The following RNF207 variants were observed in gnomAD, a reference collection of about 807,000 sequenced individuals.
RNF207 encodes the protein ring finger protein 207, also known as OTTHUMG00000001089.
In RNF207, 72 loss-of-function variants were observed where a neutral mutation model predicts 79.0. That is an observed-to-expected ratio of 0.91 (90% CI 0.75 to 1.11). The LOEUF (loss-of-function observed/expected upper bound fraction) is 1.11. RNF207 is among the 50% of genes least tolerant of loss of function. The pLI is 0.00. For synonymous variants in RNF207, 348 were observed against 366.2 expected, an observed-to-expected ratio of 0.95 and a Z score of 0.57; for missense variants, 936 against 855.8, an observed-to-expected ratio of 1.09 and a Z score of -1.17.
In RNF207 at chr1:6,212,805, C is replaced by CA. The variant is rs535972462; in HGVS notation, c.1534+73dup. The CA allele has an allele frequency of 7.2e-4, 925 of 1,281,424 alleles. 15 individuals are homozygous for CA. The South Asian group carries it at 0.01, about 14-fold the overall frequency. 79.4% of individuals were successfully genotyped at this position (1,281,424 alleles called of 1,614,324 possible). On this transcript the variant is annotated intron_variant, in intron 15 of 17. Transcript: ENST00000377939. ...CCCACATACTAGCAGAGGAGGAAGT[C>CA]AGAGTCGGCCACTAACCAGATGCAA...
rs576277257 is a variant in RNF207 at position 6,216,133 on chromosome 1, C to G, written c.1653-2156C>G. ...TTCTTGTCTGTGTGTGGTGACCTCT[C>G]AGAACCCCTCAGACTTCGGCTGCAG... On this transcript the variant is annotated intron_variant, in intron 16 of 17. Transcript: ENST00000377939. 4.1e-4 allele frequency among the ~76,000 whole-genome samples: 62 copies of G among 152,264 alleles called. 3 individuals carry two copies. The South Asian group carries it at 0.012, about 31-fold the overall frequency.
Position 6,212,467 on chromosome 1 carries a change from G to C in RNF207, c.1482+51G>C, listed in dbSNP as rs567888402. ...CAGCCCCACCTGTCAGGGGATACCTGGGCTACCCTAAGACAGTAAGCGGGG... is the reference window on the plus strand; with the variant it reads ...CAGCCCCACCTGTCAGGGGATACCTCGGCTACCCTAAGACAGTAAGCGGGG... On this transcript the variant is annotated intron_variant, in intron 14 of 17. Transcript: ENST00000377939. The C allele has an allele frequency of 7.2e-6, 11 of 1,528,522 alleles. No individual in the cohort carries two copies. In the South Asian group the frequency reaches 1.3e-4, roughly 19 times the overall value. The allele number at this position is 1,528,522 out of a possible 1,614,324, so 94.7% of individuals were successfully genotyped here.
intron 14 of RNF207, 123 bp from the exon 15 acceptor site, chr1:6,212,559 C>A: frequency 8.1e-7 from 1 of 1,236,022 alleles, no homozygotes; most frequent in Non-Finnish European, 1.2e-6. Flanking sequence ...GGAGTCTTTG[C>A]TGCTTGGAAC....
chr1:6,210,229 C>G lies in RNF207; in HGVS notation c.807C>G (p.Tyr269Ter). The G allele has an allele frequency of 6.2e-7, 1 of 1,613,550 alleles. No individual in the cohort carries two copies. The highest frequency in any genetic ancestry group is 8.5e-7 in the Non-Finnish European group (1 of 1,179,720). The change falls in exon 9 of 18, where the codon TAC becomes TAG. Residue 269 changes from tyrosine (Y) to a stop codon, truncating the protein, a stop_gained. Coordinates refer to ENST00000377939, the MANE Select transcript of RNF207 (RefSeq NM_207396.3). LOFTEE classifies it high-confidence loss of function. ...ALLLQAVQSQYEEKDKAFKEQ... is the reference protein window; with the variant it reads ...ALLLQAVQSQ ...GGCAGCCCCCCTCCCCCAGCCAATA[C>G]GAAGAGAAGGACAAGGCCTTCAAGG...
At chr1:6,208,720 T>A in intron 3 of RNF207, 161 bp from the exon 4 acceptor site, 1 of 661,060 alleles carries the variant, frequency 1.5e-6, no homozygotes, top group Non-Finnish European at 2.4e-6. Flanking sequence ...GTAAAGTGGG[T>A]ATATCAGAGC....
intron 10 of RNF207, 59 bp from the exon 11 acceptor site, chr1:6,210,810 CT>C (rs1668130921): frequency 6.9e-7 from 1 of 1,459,806 alleles, no homozygotes; most frequent in African/African-American, 1.4e-5. Flanking sequence ...TCCATCTCCC[CT>C]CTTCCTGCCC....
intron 10 of RNF207, 106 bp downstream of exon 10, chr1:6,210,544 C>A: frequency 1.2e-6 from 1 of 852,104 alleles, no homozygotes; most frequent in Non-Finnish European, 1.9e-6. Flanking sequence ...GGAGCCTGGA[C>A]CAGGGATCTC....
Position 6,212,061 on chromosome 1 carries a change from G to T in RNF207, c.1296+8G>T. On this transcript the variant is annotated splice_region_variant and intron_variant, in intron 13 of 17. Transcript: ENST00000377939. ...TATGAGGACTCCTACCGGGTGAGGG[G>T]GCAGGGATCTGCCGGAGGGGGGAGA... is the stretch of plus-strand genomic sequence containing the variant. 6.3e-7 allele frequency: 1 copy of T among 1,589,806 alleles called. No homozygotes were observed.
intron 7 of RNF207, 60 bp from the exon 8 acceptor site, chr1:6,209,864 C>T: frequency 1.3e-6 from 2 of 1,521,502 alleles, no homozygotes; most frequent in South Asian, 1.3e-5. Flanking sequence ...GGGGGGTAGG[C>T]ATGGTGGGAG....
At chr1:6,206,436 G>A (rs902732591) in intron 1 of RNF207, 100 bp from the exon 2 acceptor site, 7 of 838,714 alleles carry the variant, frequency 8.3e-6, no homozygotes, top group Admixed American at 5.7e-5. Flanking sequence ...GTCGGGTCCA[G>A]GCGCGATAGG....
In RNF207 at chr1:6,206,736, C is replaced by T. The variant is rs1361547275; in HGVS notation, c.191+10C>T. The T allele has an allele frequency of 1.3e-6, 2 of 1,597,962 alleles. No individual in the cohort carries two copies. The highest frequency in any genetic ancestry group is 1.1e-5 in the South Asian group (1 of 90,902). ...CCTGCCCGCTGTGCCAGTAAGTGTC[C>T]CAAAGTTCCCCAAAACCCCCCAGAC... On this transcript the variant is annotated intron_variant, in intron 2 of 17. Coordinates refer to ENST00000377939, the MANE Select transcript of RNF207 (RefSeq NM_207396.3).
rs983924537 is a variant in RNF207 at position 6,217,700 on chromosome 1, C to T, written c.1653-589C>T. On this transcript the variant is annotated intron_variant, in intron 16 of 17. Transcript: ENST00000377939. This position sits in a 1 kb window ranked among gnomAD's most constrained non-coding sequence, Gnocchi z 4.2. ...TCCACCCGCTTTGGTCTCTATTGCTCCCCTGAATCCAGATCATCATGGCCA... is the reference window on the plus strand; with the variant it reads ...TCCACCCGCTTTGGTCTCTATTGCTTCCCTGAATCCAGATCATCATGGCCA... 3.3e-5 allele frequency among the ~76,000 whole-genome samples: 5 copies of T among 152,292 alleles called. No individual in the cohort carries two copies. The highest frequency in any genetic ancestry group is 3.4e-3 in the Middle Eastern group (1 of 294).
chr1:6,206,557 C>A lies in RNF207; in HGVS notation c.22C>A (p.Pro8Thr). The change falls in exon 2 of 18, where the codon CCC (proline) becomes ACC (threonine). Residue 8 changes from proline to threonine, a missense_variant. Pro to Thr is a conservative substitution (Grantham distance 38). Coordinates refer to ENST00000377939, the MANE Select transcript of RNF207 (RefSeq NM_207396.3). The part of the protein sequence containing the change: MSGAIFG[P>T]LEGPSSLDAP... Reference sequence around the variant, plus strand: ...GCAGATGTCGGGAGCTATCTTCGGGCCCCTGGAGGGCCCGAGCTCCCTGGA... The same window carrying A: ...GCAGATGTCGGGAGCTATCTTCGGGACCCTGGAGGGCCCGAGCTCCCTGGA... 6.3e-7 allele frequency: 1 copy of A among 1,591,016 alleles called. No individual in the cohort carries two copies. Among genetic ancestry groups the A allele is most frequent in the Admixed American group, 1.7e-5 (1 of 58,438 alleles).
In RNF207 at chr1:6,212,058, G is replaced by T; in HGVS notation, c.1296+5G>T. 1 of 1,592,110 alleles carries T rather than the reference G, an allele frequency of 6.3e-7. No individual in the cohort carries two copies. ...CACTATGAGGACTCCTACCGGGTGA[G>T]GGGGCAGGGATCTGCCGGAGGGGGG... is the stretch of plus-strand genomic sequence containing the variant. On this transcript the variant is annotated splice_donor_5th_base_variant and intron_variant, in intron 13 of 17. Coordinates refer to ENST00000377939, the MANE Select transcript of RNF207 (RefSeq NM_207396.3).
Position 6,219,495 on chromosome 1 carries a change from T to G in RNF207, c.*88T>G. The G allele has an allele frequency of 1.0e-6, 1 of 984,516 alleles. No homozygotes were observed. Among genetic ancestry groups the G allele is most frequent in the Non-Finnish European group, 1.4e-6 (1 of 691,872 alleles). The allele number at this position is 984,516 out of a possible 1,614,324, so 61.0% of individuals were successfully genotyped here. On this transcript the variant is annotated 3_prime_UTR_variant, in exon 18 of 18. Transcript: ENST00000377939. ...GAAGGTTGTTCCCATGATGGTTTTT[T>G]TTATTTTTTATTTTTGAGATGGAGT...
chr1:6,209,908 T>C lies in RNF207; in HGVS notation c.754-16T>C. ...GCTGGGGCGCAAATCAAGAGCATGC[T>C]CGCCATCTCTCCCAGGACAGGCTGG... On this transcript the variant is annotated splice_polypyrimidine_tract_variant and intron_variant, in intron 7 of 17. Coordinates refer to ENST00000377939, the MANE Select transcript of RNF207 (RefSeq NM_207396.3). 6.4e-7 allele frequency: 1 copy of C among 1,573,210 alleles called. No individual in the cohort carries two copies. The highest frequency in any genetic ancestry group is 2.3e-5 in the East Asian group (1 of 44,206).
rs1423920318 is a variant in RNF207 at position 6,217,101 on chromosome 1, C to T, written c.1653-1188C>T. Reference sequence around the variant, plus strand: ...CCAAAGATGGTCTCCAACTCCTGGGCTAAGTGATCCTCCCACCTCAGCCTT... The same window carrying T: ...CCAAAGATGGTCTCCAACTCCTGGGTTAAGTGATCCTCCCACCTCAGCCTT... On this transcript the variant is annotated intron_variant, in intron 16 of 17. Transcript: ENST00000377939. This position sits in a 1 kb window ranked among gnomAD's most constrained non-coding sequence, Gnocchi z 4.2. Among the ~76,000 whole-genome samples, 1 of 151,994 alleles carries T rather than the reference C, an allele frequency of 6.6e-6. No individual in the cohort carries two copies. The highest frequency in any genetic ancestry group is 1.5e-5 in the Non-Finnish European group (1 of 67,976).
rs1668144822 is a variant in RNF207, at chr1:6,211,052, GCT to G, written c.1044_1045del (p.Cys349SerfsTer20). 3 of 1,608,444 alleles carry G rather than the reference GCT, an allele frequency of 1.9e-6. No individual in the cohort carries two copies. In the East Asian group the frequency reaches 6.7e-5, roughly 36 times the overall value. Reference sequence around the variant, plus strand: ...AGTGACCACCGAGCTGAATTCGCGCGCTGTCTGGAGCCACTGCTGCTGCTGGG... The same window carrying G: ...AGTGACCACCGAGCTGAATTCGCGCGGTCTGGAGCCACTGCTGCTGCTGGG... On this transcript the variant is annotated frameshift_variant, in exon 12 of 18. Transcript: ENST00000377939. LOFTEE classifies it high-confidence loss of function. This position sits in a 1 kb window ranked among gnomAD's most constrained non-coding sequence, Gnocchi z 4.2.
Position 6,210,908 on chromosome 1 carries a change from G to A in RNF207, c.981G>A (p.Pro327=), listed in dbSNP as rs767250418. The A allele has an allele frequency of 1.4e-5, 22 of 1,605,708 alleles. No individual in the cohort carries two copies. Among genetic ancestry groups the A allele is most frequent in the African/African-American group, 4.0e-5 (3 of 74,866 alleles). Residue 327 remains proline (P), a synonymous_variant, in exon 11 of 18, where the codon CCG becomes CCA. Transcript: ENST00000377939. ...GGCTGCAGGGCATCGTCACGCGGCCGCACCACCTAAGGCCTATTCAGAGCA... is the reference window on the plus strand; with the variant it reads ...GGCTGCAGGGCATCGTCACGCGGCCACACCACCTAAGGCCTATTCAGAGCA... ...MERLQGIVTR[P]HHLRPIQSSK...
Sources: gnomAD v4.1 joint callset for allele counts (sites outside exome capture counted in the v4.1 genomes callset) on GRCh38, gnomAD v4.1.1 for gene constraint, Gnocchi (gnomAD v3.1) non-coding constraint, MANE v1.5 for transcripts, NCBI Gene and HGNC (gene_info 2026-07-23, HGNC 2026-07-21) for gene names.